The following TDRD3 variants were observed in gnomAD, a reference collection of about 807,000 sequenced individuals.
TDRD3 encodes the protein tudor domain containing 3, also known as tudor domain-containing protein 3.
A neutral mutation model predicts 86.7 loss-of-function variants in TDRD3; 45 were observed. The ratio of observed to expected loss-of-function variants is 0.52; its 90% CI spans 0.41 to 0.67. The LOEUF is 0.67. TDRD3 is among the 30% of genes least tolerant of loss of function. The pLI is 0.00. For missense variants in TDRD3, 814 were observed against 889.0 expected (o/e 0.92, Z 1.07); for synonymous variants, 298 against 301.7 (o/e 0.99, Z 0.13).
rs775966408 is a variant in TDRD3, at chr13:60,528,980, T to G, written c.1755T>G (p.Gly585=). The G allele has an allele frequency of 5.0e-6, 8 of 1,613,926 alleles. No homozygotes were observed. Among genetic ancestry groups the G allele is most frequent in the Non-Finnish European group, 8.5e-7 (1 of 1,179,972 alleles). The change falls in exon 11 of 14, where the codon GGT becomes GGG. Residue 585 remains glycine, a synonymous_variant. Coordinates refer to ENST00000377881, the MANE Select transcript of TDRD3 (RefSeq NM_001146070.2). ...CAGTTCGAAGTAATAGTTTCATTGG[T>G]GTTCCAAATGGAGAAGTAGAAATGC... ...QNPVRSNSFI[G]VPNGEVEMPL...
In TDRD3 at chr13:60,562,490, A is replaced by G. The variant is rs1235421313; in HGVS notation, c.2119-5035A>G. Among the ~76,000 whole-genome samples, 6 of 152,342 alleles carry G rather than the reference A, an allele frequency of 3.9e-5. No individual in the cohort carries two copies. In the South Asian group the frequency reaches 1.0e-3, roughly 26 times the overall value. On this transcript the variant is annotated intron_variant, in intron 12 of 13. Transcript: ENST00000377881. The stretch of plus-strand genomic sequence containing the variant: ...GTTTTGGGAAAGCAGATTTGTCTTC[A>G]TGATGATTGCTTAGGTTTTATATGA...
intron 1 of TDRD3, among the ~76,000 whole-genome samples, chr13:60,435,453 T>C (rs552606936): frequency 3.9e-5 from 6 of 152,214 alleles, no homozygotes; most frequent in African/African-American, 1.4e-4. Context: ...CCAAAGTCCA[T>C]TATATCACTC....
At chr13:60,501,504 GT>G (rs1459639036) in intron 8 of TDRD3, among the ~76,000 whole-genome samples, 1 of 152,222 alleles carries the variant, frequency 6.6e-6, no homozygotes, top group Non-Finnish European at 1.5e-5. Context: ...AGTAACTTCA[GT>G]GTTAACCCTG....
At chr13:60,428,684 A>T (rs1306045432) in intron 1 of TDRD3, among the ~76,000 whole-genome samples, 1 of 152,228 alleles carries the variant, frequency 6.6e-6, no homozygotes, top group Non-Finnish European at 1.5e-5. Context: ...ACGTCTTGAG[A>T]CATACGTCCT....
chr13:60,561,350 C>A (rs968047809), intron 12 of TDRD3, among the ~76,000 whole-genome samples: 1 of 152,120 alleles, frequency 6.6e-6, no homozygotes, highest in Non-Finnish European at 1.5e-5. Flanking sequence ...TCCACTAGCT[C>A]ATTTTATTAA....
At chr13:60,491,797 T>G (rs1461680817) in intron 7 of TDRD3, among the ~76,000 whole-genome samples, 6 of 138,052 alleles carry the variant, frequency 4.3e-5, no homozygotes, top group African/African-American at 1.1e-4. Flanking sequence ...TTATTTCAGG[T>G]TTTTTTTTTT....
chr13:60,474,184 C>T (rs1370466219), intron 5 of TDRD3, among the ~76,000 whole-genome samples: 1 of 152,050 alleles, frequency 6.6e-6, no homozygotes, highest in Non-Finnish European at 1.5e-5. Context: ...AAGCTGTCCT[C>T]TCTCTCTCTC....
rs906638151 is a variant in TDRD3 at position 60,569,573 on chromosome 13, A to T, written c.*9+1923A>T. 6.6e-5 allele frequency among the ~76,000 whole-genome samples: 10 copies of T among 152,158 alleles called. No individual in the cohort carries two copies. In the South Asian group the frequency reaches 8.3e-4, roughly 13 times the overall value. ...ATCCTTCATATAAATAGAAAAAATAATTCTAAAATTTATATGGAACCACAA... is the reference window on the plus strand; with the variant it reads ...ATCCTTCATATAAATAGAAAAAATATTTCTAAAATTTATATGGAACCACAA... On this transcript the variant is annotated intron_variant, in intron 13 of 13. Transcript: ENST00000377881.
chr13:60,416,118 T>G (rs1954505997), intron 1 of TDRD3, among the ~76,000 whole-genome samples: 1 of 152,208 alleles, frequency 6.6e-6, no homozygotes, highest in Non-Finnish European at 1.5e-5. Flanking sequence ...GGTATTGATT[T>G]TAGATTTAAC....
At chr13:60,448,560 AT>A (rs1955460930) in intron 3 of TDRD3, among the ~76,000 whole-genome samples, 2 of 152,222 alleles carry the variant, frequency 1.3e-5, no homozygotes, top group Non-Finnish European at 2.9e-5. Flanking sequence ...GAGTTGGACA[AT>A]CACAATTTTT....
intron 2 of TDRD3, among the ~76,000 whole-genome samples, chr13:60,440,351 G>GT (rs1425079840): frequency 2.6e-5 from 4 of 151,738 alleles, no homozygotes; most frequent in African/African-American, 9.7e-5. Flanking sequence ...TGGCTTTTGG[G>GT]TTTTTTCAAG....
chr13:60,563,828 TA>T (rs1958392087), intron 12 of TDRD3, among the ~76,000 whole-genome samples: 1 of 152,232 alleles, frequency 6.6e-6, no homozygotes, highest in Non-Finnish European at 1.5e-5. Flanking sequence ...GGCTCATTTA[TA>T]AATGGGGAAT....
chr13:60,548,015 A>T (rs1957971841), intron 12 of TDRD3, among the ~76,000 whole-genome samples: 1 of 152,136 alleles, frequency 6.6e-6, no homozygotes, highest in South Asian at 2.1e-4. Flanking sequence ...AGTAAGGTTG[A>T]CTGGGAAAAT....
At chr13:60,527,731 T>C (rs909862759) in intron 10 of TDRD3, among the ~76,000 whole-genome samples, 1 of 152,220 alleles carries the variant, frequency 6.6e-6, no homozygotes, top group East Asian at 1.9e-4. Context: ...ATTTCCACTT[T>C]TGACACTTTT....
At chr13:60,549,370 G>A (rs1957996621) in intron 12 of TDRD3, among the ~76,000 whole-genome samples, 1 of 152,056 alleles carries the variant, frequency 6.6e-6, no homozygotes, top group Non-Finnish European at 1.5e-5. Flanking sequence ...TGTCATCATA[G>A]TGACTATATT....
intron 1 of TDRD3, among the ~76,000 whole-genome samples, chr13:60,433,662 C>T (rs1282280719): frequency 6.6e-6 from 1 of 152,218 alleles, no homozygotes; most frequent in Non-Finnish European, 1.5e-5. Flanking sequence ...ACATGTACCA[C>T]ATGCAGGCTG....
chr13:60,432,027 G>A (rs1043357168), intron 1 of TDRD3, among the ~76,000 whole-genome samples: 5 of 152,068 alleles, frequency 3.3e-5, no homozygotes, highest in Non-Finnish European at 5.9e-5. Flanking sequence ...GGGATAGGAA[G>A]TGGCTACTTT....
chr13:60,457,206 G>C (rs1023555267), intron 3 of TDRD3, among the ~76,000 whole-genome samples: 5 of 152,078 alleles, frequency 3.3e-5, no homozygotes, highest in Admixed American at 1.3e-4. Context: ...ACTAACTTAA[G>C]GCTTGATGAT....
intron 8 of TDRD3, among the ~76,000 whole-genome samples, chr13:60,506,228 A>G (rs753068092): frequency 1.3e-5 from 2 of 152,216 alleles, no homozygotes; most frequent in African/African-American, 2.4e-5. Flanking sequence ...CCACTATTCA[A>G]CATTCTTAAA....
Sources: gnomAD v4.1 joint callset for allele counts (sites outside exome capture counted in the v4.1 genomes callset) on GRCh38, gnomAD v4.1.1 for gene constraint, MANE v1.5 for transcripts, NCBI Gene and HGNC (gene_info 2026-07-23, HGNC 2026-07-21) for gene names.